Variants in CTNNA3 observed in about 807,000 individuals in gnomAD.
The protein encoded by CTNNA3 is catenin alpha 3.
CTNNA3 carries 76 observed loss-of-function variants against 95.7 expected under a neutral mutation model. The ratio of observed to expected loss-of-function variants is 0.79; its 90% CI spans 0.66 to 0.96. The LOEUF (loss-of-function observed/expected upper bound fraction) is 0.96, where lower values mean the gene tolerates loss of function less well. Among genes scored for constraint, CTNNA3 ranks in the 40% least tolerant of loss-of-function variants. CTNNA3 has a pLI of 0.00. For missense variants in CTNNA3, 1,191 were observed against 1,089.8 expected (o/e 1.09, Z -1.31); for synonymous variants, 431 against 374.4 (o/e 1.15, Z -1.74).
chr10:66,052,632 T>TA (rs1260756992), intron 15 of CTNNA3, among the ~76,000 whole-genome samples: 1 of 152,064 alleles, frequency 6.6e-6, no homozygotes, highest in Non-Finnish European at 1.5e-5. Flanking sequence ...CTAGTACAAA[T>TA]ACCTGAGCAC....
chr10:66,755,116 C>T, intron 9 of CTNNA3, among the ~76,000 whole-genome samples: 1 of 152,140 alleles, frequency 6.6e-6, no homozygotes, highest in South Asian at 2.1e-4. Flanking sequence ...CAGTATACAT[C>T]AGAACTGGGC....
rs1060502222 is a variant in CTNNA3, at chr10:66,103,240, C to T, written c.1894G>A (p.Glu632Lys). The T allele has an allele frequency of 1.2e-5, 19 of 1,613,346 alleles. No homozygotes were observed. The highest frequency in any genetic ancestry group is 2.2e-5 in the East Asian group (1 of 44,872). ...CSVMMIRTPE[E>K]LEDVSDLEEE... The stretch of plus-strand genomic sequence containing the variant: ...TCAAGGTCAGAAACATCCTCCAGTT[C>T]CTCTGGGGTCTATAAAAAGAAAGCA... Residue 632 changes from glutamate (E) to lysine (K), a missense_variant, in exon 14 of 18, where the codon GAA (glutamate) becomes AAA (lysine). Transcript: ENST00000433211.
chr10:67,492,481 CCAA>C (rs1405053377), intron 5 of CTNNA3, among the ~76,000 whole-genome samples: 1 of 152,172 alleles, frequency 6.6e-6, no homozygotes, highest in African/African-American at 2.4e-5. Context: ...ATTCATTTCT[CCAA>C]CAAGTGTTTA....
intron 7 of CTNNA3, among the ~76,000 whole-genome samples, chr10:67,058,364 A>G (rs1021902696): frequency 2.6e-5 from 4 of 152,222 alleles, no homozygotes; most frequent in Non-Finnish European, 4.4e-5. Context: ...ATTGGTTTCA[A>G]GAGAAATTTT....
At chr10:67,413,953 A>G (rs1180633733) in intron 5 of CTNNA3, among the ~76,000 whole-genome samples, 1 of 152,168 alleles carries the variant, frequency 6.6e-6, no homozygotes, top group Non-Finnish European at 1.5e-5. Flanking sequence ...AGGAAAATTA[A>G]TAGTCCTAAA....
At chr10:66,031,616 C>A (rs2079450955) in intron 15 of CTNNA3, among the ~76,000 whole-genome samples, 1 of 152,130 alleles carries the variant, frequency 6.6e-6, no homozygotes, top group African/African-American at 2.4e-5. Flanking sequence ...GGGTACCATA[C>A]TAACTACCTG....
At chr10:67,483,169 G>T (rs1848304315) in intron 5 of CTNNA3, among the ~76,000 whole-genome samples, 3 of 151,686 alleles carry the variant, frequency 2.0e-5, no homozygotes, top group Admixed American at 2.0e-4. Context: ...ACTGTTGGTG[G>T]GACTGTAAAC....
intron 15 of CTNNA3, among the ~76,000 whole-genome samples, chr10:66,011,310 A>G (rs529456606): frequency 5.5e-5 from 8 of 144,920 alleles, no homozygotes; most frequent in African/African-American, 1.8e-4. Flanking sequence ...TTCTTTTCTC[A>G]CTCTTGTTTC....
chr10:66,367,693 T>C (rs1048053514), intron 12 of CTNNA3, among the ~76,000 whole-genome samples: 22 of 149,366 alleles, frequency 1.5e-4, no homozygotes, highest in Non-Finnish European at 3.0e-4. Context: ...AGCCGAATTT[T>C]AAAATTTTGG....
intron 9 of CTNNA3, among the ~76,000 whole-genome samples, chr10:66,666,513 C>G (rs775169725): frequency 6.6e-6 from 1 of 152,106 alleles, no homozygotes; most frequent in South Asian, 2.1e-4. Flanking sequence ...CTCTTATATA[C>G]TTGAACATAG....
chr10:66,080,502 C>T (rs532385445), intron 14 of CTNNA3, among the ~76,000 whole-genome samples: 1 of 152,214 alleles, frequency 6.6e-6, no homozygotes, highest in South Asian at 2.1e-4. Flanking sequence ...ATTGCAATAT[C>T]TCTGATTTTT....
chr10:66,270,224 T>TTTGGG (rs367695664), intron 13 of CTNNA3, among the ~76,000 whole-genome samples: 2 of 95,834 alleles, frequency 2.1e-5, no homozygotes, highest in East Asian at 6.7e-4. Context: ...TAACATTTTT[T>TTTGGG]GGGGGGGGGG....
chr10:67,188,731 T>C (rs1223782491), intron 6 of CTNNA3, among the ~76,000 whole-genome samples: 2 of 152,156 alleles, frequency 1.3e-5, no homozygotes, highest in Non-Finnish European at 2.9e-5. Context: ...AGCCAAGATA[T>C]GGAATCACCC....
At chr10:66,120,846 G>C (rs1388267508) in intron 13 of CTNNA3, among the ~76,000 whole-genome samples, 2 of 152,082 alleles carry the variant, frequency 1.3e-5, no homozygotes, top group African/African-American at 4.8e-5. Flanking sequence ...TCCAAAGAGA[G>C]GAAAAGAAAG....
intron 7 of CTNNA3, among the ~76,000 whole-genome samples, chr10:67,150,880 C>G (rs1307760219): frequency 6.7e-6 from 1 of 148,686 alleles, no homozygotes; most frequent in Non-Finnish European, 1.5e-5. Flanking sequence ...AAAAGATTTA[C>G]TTGGAAGACT....
At chr10:66,396,130 TGGCTGCATA>T (rs2092974621) in intron 11 of CTNNA3, among the ~76,000 whole-genome samples, 1 of 152,078 alleles carries the variant, frequency 6.6e-6, no homozygotes, top group South Asian at 2.1e-4. Context: ...TTCTTTTTAA[TGGCTGCATA>T]GTATTCCATG....
At chr10:67,360,735 T>C (rs1842966931) in intron 5 of CTNNA3, among the ~76,000 whole-genome samples, 1 of 151,982 alleles carries the variant, frequency 6.6e-6, no homozygotes. Context: ...GGGGAGGTGC[T>C]ACATACTTTT....
rs528643256 is a variant in CTNNA3 at position 65,949,653 on chromosome 10, A to C, written c.2400+16959T>G. 1.4e-3 allele frequency among the ~76,000 whole-genome samples: 216 copies of C among 152,332 alleles called. 1 individual carries two copies. The highest frequency in any genetic ancestry group is 5.1e-3 in the African/African-American group (213 of 41,572). ...TCTGAGACTAGCTTTACCTGACCTC[A>C]GAGCGGGTTGTGAAATTGTACAGCA... On this transcript the variant is annotated intron_variant, in intron 17 of 17. Coordinates refer to ENST00000433211, the MANE Select transcript of CTNNA3 (RefSeq NM_013266.4).
intron 7 of CTNNA3, among the ~76,000 whole-genome samples, chr10:66,874,138 T>G (rs913467147): frequency 2.0e-5 from 3 of 151,930 alleles, no homozygotes; most frequent in African/African-American, 7.3e-5. Flanking sequence ...GAGGGGTCCA[T>G]GAGTCTCAGG....
Sources: allele counts gnomAD v4.1 joint callset (sites outside exome capture counted in the v4.1 genomes callset), GRCh38; gene constraint gnomAD v4.1.1; transcripts MANE v1.5; gene names NCBI Gene and HGNC (gene_info 2026-07-23, HGNC 2026-07-21).